Variants in ETS1 observed in about 807,000 individuals in gnomAD.
The protein encoded by ETS1 is ETS proto-oncogene 1, transcription factor.
A neutral mutation model predicts 58.6 loss-of-function variants in ETS1; 15 were observed. The observed-to-expected ratio is 0.26, with a 90% CI of 0.17 to 0.39. The LOEUF (loss-of-function observed/expected upper bound fraction) is 0.39. ETS1 is among the 10% of genes least tolerant of loss of function. The pLI is 1.00. For synonymous variants in ETS1, 214 were observed against 218.2 expected, an observed-to-expected ratio of 0.98 and a Z score of 0.17; for missense variants, 417 against 610.5, an observed-to-expected ratio of 0.68 and a Z score of 3.34.
chr11:128,525,425 T>C (rs1200193913), intron 3 of ETS1, among the ~76,000 whole-genome samples: 1 of 152,116 alleles, frequency 6.6e-6, no homozygotes, highest in Non-Finnish European at 1.5e-5. Context: ...AGACAGACTT[T>C]CCCTCTCCAG....
intron 3 of ETS1, among the ~76,000 whole-genome samples, chr11:128,503,569 T>C (rs903481061): frequency 2.6e-5 from 4 of 152,234 alleles, no homozygotes; most frequent in Non-Finnish European, 4.4e-5. Flanking sequence ...AGATGAAACA[T>C]TGGACCACCT....
rs148930726 is a variant in ETS1 at position 128,500,570 on chromosome 11, G to C, written c.215-9994C>G. On this transcript the variant is annotated intron_variant, in intron 3 of 9. Coordinates refer to ENST00000392668, the MANE Select transcript of ETS1 (RefSeq NM_001143820.2). ...GTGGACATTCTTCCTGCGTTCTAAG[G>C]CTTTTTTATGCAGATGTGTTTTTCT... 1.1e-4 allele frequency among the ~76,000 whole-genome samples: 16 copies of C among 152,122 alleles called. 1 individual carries two copies. In the East Asian group the frequency reaches 2.7e-3, roughly 26 times the overall value.
At chr11:128,493,649 A>G (rs1242208383) in intron 3 of ETS1, among the ~76,000 whole-genome samples, 1 of 152,260 alleles carries the variant, frequency 6.6e-6, no homozygotes, top group East Asian at 1.9e-4. Context: ...TTGGAGCCAA[A>G]GGATTCAGAT....
intron 8 of ETS1, among the ~76,000 whole-genome samples, chr11:128,479,868 C>A (rs1239416357): frequency 6.6e-6 from 1 of 151,906 alleles, no homozygotes; most frequent in Non-Finnish European, 1.5e-5. Flanking sequence ...TGATGCCAGG[C>A]CACTAGATAG....
At chr11:128,577,265 T>G (rs1275577207) in intron 1 of ETS1, among the ~76,000 whole-genome samples, 1 of 152,250 alleles carries the variant, frequency 6.6e-6, no homozygotes. Flanking sequence ...AAAGAACCAC[T>G]TGAAATAATC....
rs987875809 is a variant in ETS1 at position 128,549,087 on chromosome 11, C to A, written c.214+7204G>T. Among the ~76,000 whole-genome samples the A allele has an allele frequency of 1.4e-4, 21 of 152,308 alleles. No individual in the cohort carries two copies. Among genetic ancestry groups the A allele is most frequent in the Admixed American group, 1.3e-3 (20 of 15,308 alleles). ...CCAGCTGCAGGCTCCGGGCTGAGACCCCTGGCTGCAGTGCAAGAAAGCAAC... is the reference window on the plus strand; with the variant it reads ...CCAGCTGCAGGCTCCGGGCTGAGACACCTGGCTGCAGTGCAAGAAAGCAAC... On this transcript the variant is annotated intron_variant, in intron 3 of 9. Transcript: ENST00000392668. The surrounding 1 kb of genome is among the most constrained non-coding windows in gnomAD (Gnocchi z 4.3).
Position 128,489,330 on chromosome 11 carries a change from A to G in ETS1, c.495T>C (p.Val165=). 1.2e-6 allele frequency: 2 copies of G among 1,614,174 alleles called. No homozygotes were observed. The highest frequency in any genetic ancestry group is 1.7e-6 in the Non-Finnish European group (2 of 1,180,030). Residue 165 remains valine (V), a synonymous_variant, in exon 5 of 10, where the codon GTT becomes GTC. Coordinates refer to ENST00000392668, the MANE Select transcript of ETS1 (RefSeq NM_001143820.2). ...DCFLELAPDF[V]GDILWEHLEI... The stretch of plus-strand genomic sequence containing the variant: ...CTAGATGTTCCCATAAGATGTCCCC[A>G]ACAAAGTCTGGGGCCAGCTCGAGAA...
chr11:128,471,868 CT>C (rs1344706419), intron 8 of ETS1, among the ~76,000 whole-genome samples: 1 of 152,180 alleles, frequency 6.6e-6, no homozygotes, highest in Non-Finnish European at 1.5e-5. Flanking sequence ...AACTTGCTCT[CT>C]GGAATTTATT....
chr11:128,465,707 T>C (rs1024070182), intron 8 of ETS1, among the ~76,000 whole-genome samples: 1 of 152,178 alleles, frequency 6.6e-6, no homozygotes, highest in Non-Finnish European at 1.5e-5. Flanking sequence ...GGGGTTGCCT[T>C]AGACCCTGAC....
intron 6 of ETS1, 119 bp from the exon 7 acceptor site, chr11:128,485,190 C>A (rs1196782738): frequency 2.3e-6 from 2 of 856,986 alleles, no homozygotes; most frequent in East Asian, 5.1e-5. Flanking sequence ...AGGGAAAATA[C>A]TTTAAATCAG....
At chr11:128,582,771 G>T (rs1161660904) in intron 1 of ETS1, among the ~76,000 whole-genome samples, 1 of 152,054 alleles carries the variant, frequency 6.6e-6, no homozygotes, top group Non-Finnish European at 1.5e-5. Context: ...TTACAGTGGA[G>T]AACTAACTCA....
At chr11:128,557,550 G>A (rs1020995458) in intron 2 of ETS1, among the ~76,000 whole-genome samples, 1 of 152,134 alleles carries the variant, frequency 6.6e-6, no homozygotes, top group Non-Finnish European at 1.5e-5. Context: ...TAACATTCCT[G>A]GAAATGGCCA....
At chr11:128,570,290 T>C (rs1864599728) in intron 2 of ETS1, among the ~76,000 whole-genome samples, 1 of 150,872 alleles carries the variant, frequency 6.6e-6, no homozygotes, top group African/African-American at 2.4e-5. Flanking sequence ...GGCTGGAGTG[T>C]GCAATGGCAC....
rs763743824 is a variant in ETS1, at chr11:128,521,876, G to T, written c.215-31300C>A. On this transcript the variant is annotated intron_variant, in intron 3 of 9. Transcript: ENST00000392668. ...TCCAGGGGACCCCCGGCCTCTGGCC[G>T]AGAGCTTGGGTGGGGGCCTCGGCCG... 3 of 1,562,732 alleles carry T rather than the reference G, an allele frequency of 1.9e-6. No homozygotes were observed. In the East Asian group the frequency reaches 7.3e-5, roughly 38 times the overall value.
intron 3 of ETS1, among the ~76,000 whole-genome samples, chr11:128,527,703 A>C (rs1029212863): frequency 6.6e-6 from 1 of 152,232 alleles, no homozygotes; most frequent in Non-Finnish European, 1.5e-5. Flanking sequence ...GAAGCTCTGC[A>C]TCCCAGGGCT....
At chr11:128,580,614 C>T (rs1179584965) in intron 1 of ETS1, among the ~76,000 whole-genome samples, 1 of 152,170 alleles carries the variant, frequency 6.6e-6, no homozygotes, top group Non-Finnish European at 1.5e-5. Context: ...CTAAGTAATC[C>T]AACATTACAG....
At chr11:128,471,841 T>A (rs1862196325) in intron 8 of ETS1, among the ~76,000 whole-genome samples, 1 of 152,250 alleles carries the variant, frequency 6.6e-6, no homozygotes. Context: ...TTATAGTCTT[T>A]TCTCAGTAGG....
intron 2 of ETS1, among the ~76,000 whole-genome samples, chr11:128,558,383 G>A (rs888055535): frequency 6.6e-6 from 1 of 152,186 alleles, no homozygotes; most frequent in Non-Finnish European, 1.5e-5. Context: ...GGTGGCTCAC[G>A]CCTGTCATCC....
chr11:128,480,863 G>A lies in ETS1; in HGVS notation c.863-412C>T, dbSNP rs114044890. Among the ~76,000 whole-genome samples the A allele has an allele frequency of 8.4e-3, 1,277 of 152,228 alleles. 20 individuals are homozygous for A. Among genetic ancestry groups the A allele is most frequent in the African/African-American group, 0.029 (1,219 of 41,520 alleles). ...AAATGAAGAAATCAGAGCAATGTCA[G>A]GCTGAATTCCCCACTCCAGCTCAAG... On this transcript the variant is annotated intron_variant, in intron 7 of 9. Transcript: ENST00000392668.
Sources: gnomAD v4.1 joint callset for allele counts (sites outside exome capture counted in the v4.1 genomes callset) on GRCh38, gnomAD v4.1.1 for gene constraint, Gnocchi (gnomAD v3.1) non-coding constraint, MANE v1.5 for transcripts, NCBI Gene and HGNC (gene_info 2026-07-23, HGNC 2026-07-21) for gene names.